PFDN1: variants seen among roughly 807,000 people sequenced by gnomAD.
PFDN1 encodes prefoldin subunit 1, also known as prefoldin 1.
A neutral mutation model predicts 17.3 loss-of-function variants in PFDN1; 6 were observed. That is an observed-to-expected ratio of 0.35 (90% confidence interval 0.19 to 0.69). The LOEUF is 0.69. PFDN1 is among the 30% of genes least tolerant of loss of function. PFDN1 has a pLI of 0.65. For synonymous variants in PFDN1, 58 were observed against 50.1 expected (o/e 1.16, Z -0.67); for missense variants, 113 against 146.2 (o/e 0.77, Z 1.17).
chr5:140,290,109 CTT>C (rs1440598915), intron 2 of PFDN1, among the ~76,000 whole-genome samples: 1 of 152,160 alleles, frequency 6.6e-6, no homozygotes, highest in African/African-American at 2.4e-5. Context: ...TATCCATTTC[CTT>C]TTCTTTGTTG....
At chr5:140,249,902 C>T (rs572114705) in intron 3 of PFDN1, among the ~76,000 whole-genome samples, 2 of 152,302 alleles carry the variant, frequency 1.3e-5, no homozygotes, top group African/African-American at 4.8e-5. Flanking sequence ...ACCTTCAACA[C>T]TGGGGATCAA....
rs1764807594 is a variant in PFDN1 at position 140,245,067 on chromosome 5, T to C, written c.*907A>G. On this transcript the variant is annotated 3_prime_UTR_variant, in exon 4 of 4. Transcript: ENST00000261813. ...CACAGATCGTGGTCAAATGTAGTAA[T>C]TAGGGATGCATTTTGAATATTTATT... The C allele has an allele frequency of 4.9e-6, 1 of 204,064 alleles. No homozygotes were observed. Among genetic ancestry groups the C allele is most frequent in the African/African-American group, 2.4e-5 (1 of 42,488 alleles). The allele number at this position is 204,064 out of a possible 1,614,324, so 12.6% of individuals were successfully genotyped here.
At chr5:140,247,463 G>A (rs183017597) in intron 3 of PFDN1, among the ~76,000 whole-genome samples, 242 of 152,242 alleles carry the variant, frequency 1.6e-3, no homozygotes, top group African/African-American at 5.3e-3. Flanking sequence ...TACATATAGA[G>A]GCTTTTTCCT....
At chr5:140,248,427 CTGACACACACTAAA>C (rs1284095735) in intron 3 of PFDN1, among the ~76,000 whole-genome samples, 1 of 144,300 alleles carries the variant, frequency 6.9e-6, no homozygotes, top group Non-Finnish European at 1.5e-5. Context: ...CTAGTAAGCC[CTGACACACACTAAA>C]GAATGTATGT....
At chr5:140,273,562 C>T (rs1581089456) in intron 3 of PFDN1, among the ~76,000 whole-genome samples, 1 of 152,174 alleles carries the variant, frequency 6.6e-6, no homozygotes, top group Non-Finnish European at 1.5e-5. Context: ...CCTGTTCTCT[C>T]GCCGCCATTC....
intron 2 of PFDN1, among the ~76,000 whole-genome samples, chr5:140,299,079 A>T (rs1359153241): frequency 6.6e-6 from 1 of 151,314 alleles, no homozygotes; most frequent in Non-Finnish European, 1.5e-5. Context: ...TGACAATTGA[A>T]TTTTTATTTT....
chr5:140,287,199 T>C (rs969268846), intron 2 of PFDN1, among the ~76,000 whole-genome samples: 2 of 152,162 alleles, frequency 1.3e-5, no homozygotes, highest in African/African-American at 4.8e-5. Context: ...AATAAGTAAA[T>C]GGACACTGGA....
chr5:140,259,504 T>TA, intron 3 of PFDN1, among the ~76,000 whole-genome samples: 1 of 152,180 alleles, frequency 6.6e-6, no homozygotes, highest in Non-Finnish European at 1.5e-5. Context: ...GAGGAACTGT[T>TA]AAAACCCTAC....
intron 1 of PFDN1, 98 bp from the exon 2 acceptor site, chr5:140,300,680 A>T (rs1765731000): frequency 5.2e-6 from 4 of 770,362 alleles, no homozygotes; most frequent in Non-Finnish European, 8.3e-6. Context: ...CTAGCCAGAG[A>T]CAAAGCTGTG....
intron 3 of PFDN1, among the ~76,000 whole-genome samples, chr5:140,279,900 C>T (rs1334843041): frequency 6.8e-6 from 1 of 146,776 alleles, no homozygotes; most frequent in African/African-American, 2.5e-5. Flanking sequence ...GAAGCTGAGA[C>T]AGGAGAATCG....
intron 2 of PFDN1, among the ~76,000 whole-genome samples, chr5:140,286,852 G>A (rs767367240): frequency 1.3e-4 from 20 of 151,994 alleles, no homozygotes; most frequent in Non-Finnish European, 2.1e-4. Flanking sequence ...GGATCCAACC[G>A]CCTCAGCCTC....
chr5:140,246,519 T>C (rs965722971), intron 3 of PFDN1, among the ~76,000 whole-genome samples: 1 of 152,206 alleles, frequency 6.6e-6, no homozygotes, highest in African/African-American at 2.4e-5. Context: ...CCAGCAGGAA[T>C]ATGGGCTGCT....
intron 3 of PFDN1, among the ~76,000 whole-genome samples, chr5:140,276,780 CAAAAAAA>C (rs35889345): frequency 1.5e-3 from 69 of 46,742 alleles, no homozygotes; most frequent in African/African-American, 6.0e-3. Context: ...GACACCGTCT[CAAAAAAA>C]AAAAAAAAAA....
intron 3 of PFDN1, among the ~76,000 whole-genome samples, chr5:140,269,612 A>T (rs1320858717): frequency 6.6e-6 from 1 of 152,106 alleles, no homozygotes; most frequent in Non-Finnish European, 1.5e-5. Flanking sequence ...AGCCACCGTG[A>T]CCCGCCTTTA....
At chr5:140,274,795 G>C (rs574257520) in intron 3 of PFDN1, among the ~76,000 whole-genome samples, 10 of 152,100 alleles carry the variant, frequency 6.6e-5, no homozygotes, top group African/African-American at 2.4e-4. Context: ...GGATCACCCA[G>C]GAGTTCAAGA....
chr5:140,290,276 A>G (rs148019855), intron 2 of PFDN1, among the ~76,000 whole-genome samples: 32 of 152,296 alleles, frequency 2.1e-4, no homozygotes, highest in African/African-American at 2.9e-4. Flanking sequence ...GTCATGAAAT[A>G]TAAGTGGGAG....
At chr5:140,299,889 G>A (rs891031660) in intron 2 of PFDN1, among the ~76,000 whole-genome samples, 5 of 151,908 alleles carry the variant, frequency 3.3e-5, no homozygotes, top group African/African-American at 4.8e-5. Context: ...GCAAGCGCCC[G>A]TAATCCCAGT....
chr5:140,294,684 TTAAC>T (rs1765627405), intron 2 of PFDN1, among the ~76,000 whole-genome samples: 1 of 152,062 alleles, frequency 6.6e-6, no homozygotes, highest in Admixed American at 6.6e-5. Flanking sequence ...GAAAAACTGC[TTAAC>T]TATTTAGATT....
chr5:140,276,780 CAAA>C (rs35889345), intron 3 of PFDN1, among the ~76,000 whole-genome samples: 75 of 46,708 alleles, frequency 1.6e-3, no homozygotes, highest in East Asian at 3.1e-3. Context: ...GACACCGTCT[CAAA>C]AAAAAAAAAA....
Sources: gnomAD v4.1 joint callset for allele counts (sites outside exome capture counted in the v4.1 genomes callset) on GRCh38, gnomAD v4.1.1 for gene constraint, MANE v1.5 for transcripts, NCBI Gene and HGNC (gene_info 2026-07-23, HGNC 2026-07-21) for gene names.